Variants in PPP2R2C observed in about 807,000 individuals in gnomAD.
PPP2R2C encodes protein phosphatase 2 regulatory subunit Bgamma.
A neutral mutation model predicts 45.3 loss-of-function variants in PPP2R2C; 10 were observed. The observed-to-expected ratio is 0.22, with a 90% CI of 0.14 to 0.37. The LOEUF (loss-of-function observed/expected upper bound fraction) is 0.37. PPP2R2C is among the 10% of genes least tolerant of loss of function. The pLI is 1.00. For synonymous variants in PPP2R2C, 257 were observed against 245.4 expected (o/e 1.05, Z -0.44); for missense variants, 308 against 619.7 (o/e 0.50, Z 5.34).
At chr4:6,517,646 C>T (rs1327078899) in intron 2 of PPP2R2C, among the ~76,000 whole-genome samples, 1 of 152,218 alleles carries the variant, frequency 6.6e-6, no homozygotes, top group African/African-American at 2.4e-5. Flanking sequence ...CCCTGCGGCT[C>T]TTTGGGATGT....
chr4:6,531,561 C>CT lies in PPP2R2C; in HGVS notation c.49+3709dup, dbSNP rs11327901. Among the ~76,000 whole-genome samples, 24 of 143,852 alleles carry CT rather than the reference C, an allele frequency of 1.7e-4. No homozygotes were observed. The East Asian group carries it at 2.2e-3, about 13-fold the overall frequency. 94.4% of individuals were successfully genotyped at this position (143,852 alleles called of 152,430 possible). A position where few individuals can be genotyped will look rare whatever the true frequency, so the allele number is the denominator to read the frequency against. On this transcript the variant is annotated intron_variant, in intron 2 of 9. Transcript: ENST00000506140. ...ATGTCTGTGTTTCTTTCCCGTTTTC[C>CT]TTTTTTTTTTTTTTTGGCTAACACT...
chr4:6,422,467 CTG>C (rs1288508208), intron 1 of PPP2R2C, among the ~76,000 whole-genome samples: 1 of 152,208 alleles, frequency 6.6e-6, no homozygotes. Context: ...AATTTGGTAA[CTG>C]TATTCATTTC....
At chr4:6,359,961 C>T (rs1325183184) in intron 5 of PPP2R2C, among the ~76,000 whole-genome samples, 60 of 152,216 alleles carry the variant, frequency 3.9e-4, no homozygotes, top group Non-Finnish European at 1.0e-4. Flanking sequence ...TCCACAAACG[C>T]CAAAAGCAGT....
At chr4:6,356,063 G>A (rs536592907) in intron 5 of PPP2R2C, among the ~76,000 whole-genome samples, 1 of 150,480 alleles carries the variant, frequency 6.6e-6, no homozygotes, top group East Asian at 2.0e-4. Flanking sequence ...CGGGTCCAGT[G>A]AAGTCCATCA....
rs1253904912 is a variant in PPP2R2C, at chr4:6,472,598, CG to C, written c.-370del. 1.4e-5 allele frequency among the ~76,000 whole-genome samples: 2 copies of C among 146,324 alleles called. No individual in the cohort carries two copies. ...CGGCGCTGCGCTGCGCCGACCAAGC[CG>C]GGGCCGAGCCGGGCTGCGCGGGCTG... On this transcript the variant is annotated 5_prime_UTR_variant, in exon 1 of 9. Transcript: ENST00000382599.
At chr4:6,405,807 C>T (rs199903947) in intron 1 of PPP2R2C, among the ~76,000 whole-genome samples, 1 of 152,148 alleles carries the variant, frequency 6.6e-6, no homozygotes, top group Non-Finnish European at 1.5e-5. Context: ...AAGCCAGCCA[C>T]GGACAAGCGT....
upstream of PPP2R2C, among the ~76,000 whole-genome samples, chr4:6,474,320 AG>A (rs1382629812): frequency 6.6e-6 from 1 of 151,958 alleles, no homozygotes; most frequent in East Asian, 1.9e-4. Flanking sequence ...CCTGACCACA[AG>A]GGGGCCCAGG....
intron 6 of PPP2R2C, among the ~76,000 whole-genome samples, chr4:6,337,112 G>GTATGTATATATA (rs1733019960): frequency 3.3e-5 from 1 of 30,104 alleles, no homozygotes; most frequent in Non-Finnish European, 6.4e-5. Flanking sequence ...ATGTGTGTGT[G>GTATGTATATATA]TATATATATA....
intron 5 of PPP2R2C, among the ~76,000 whole-genome samples, chr4:6,362,867 C>A (rs1453548665): frequency 9.9e-6 from 1 of 101,296 alleles, no homozygotes; most frequent in Middle Eastern, 4.7e-3. Flanking sequence ...AGCCCTGGCA[C>A]CCCCTTTCCC....
chr4:6,461,930 G>A (rs559706417), intron 1 of PPP2R2C, among the ~76,000 whole-genome samples: 1 of 152,280 alleles, frequency 6.6e-6, no homozygotes, highest in East Asian at 1.9e-4. Context: ...CCAGGCCCAC[G>A]GAGCACGTGG....
chr4:6,561,156 T>C (rs969802448), intron 1 of PPP2R2C, among the ~76,000 whole-genome samples: 2 of 152,218 alleles, frequency 1.3e-5, no homozygotes, highest in African/African-American at 4.8e-5. Flanking sequence ...GTGGGGTACC[T>C]GTCTGCCATG....
chr4:6,511,096 T>A (rs1156569910), intron 2 of PPP2R2C, among the ~76,000 whole-genome samples: 2 of 152,230 alleles, frequency 1.3e-5, no homozygotes, highest in African/African-American at 4.8e-5. Flanking sequence ...GAATTTGTCC[T>A]TCTCTTAATT....
At chr4:6,456,785 A>AT in intron 1 of PPP2R2C, among the ~76,000 whole-genome samples, 1 of 152,312 alleles carries the variant, frequency 6.6e-6, no homozygotes, top group African/African-American at 2.4e-5. Context: ...GGGATATTGA[A>AT]TGCAATCCCC....
intron 1 of PPP2R2C, among the ~76,000 whole-genome samples, chr4:6,427,978 T>A (rs1020631885): frequency 6.6e-6 from 1 of 152,146 alleles, no homozygotes; most frequent in African/African-American, 2.4e-5. Context: ...GTTTTGTCAA[T>A]GAGGGAACGA....
intron 1 of PPP2R2C, among the ~76,000 whole-genome samples, chr4:6,548,597 C>T (rs2108837856): frequency 6.6e-6 from 1 of 152,332 alleles, no homozygotes; most frequent in East Asian, 1.9e-4. Context: ...CCAGTGTGGG[C>T]AGGTAGAGCT....
chr4:6,451,944 C>G (rs1720758489), intron 1 of PPP2R2C, among the ~76,000 whole-genome samples: 1 of 152,182 alleles, frequency 6.6e-6, no homozygotes, highest in Non-Finnish European at 1.5e-5. Flanking sequence ...TGACACCACC[C>G]CAGAGCCAGG....
intron 1 of PPP2R2C, among the ~76,000 whole-genome samples, chr4:6,424,782 A>T (rs1397990043): frequency 6.6e-6 from 1 of 152,168 alleles, no homozygotes. Flanking sequence ...CAGATCCCTC[A>T]GCCCCCATGA....
At chr4:6,407,332 G>A (rs73798234) in intron 1 of PPP2R2C, among the ~76,000 whole-genome samples, 1,862 of 152,312 alleles carry the variant, frequency 0.012, 32 homozygotes, top group African/African-American at 0.041. Flanking sequence ...CAGGATGAAT[G>A]GACTAATCCT....
At chr4:6,553,456 C>T (rs1405198108) in intron 1 of PPP2R2C, among the ~76,000 whole-genome samples, 6 of 152,346 alleles carry the variant, frequency 3.9e-5, no homozygotes, top group East Asian at 3.9e-4. Flanking sequence ...CAGTAAGGCA[C>T]GGGGTCCCAC....
Sources: allele counts gnomAD v4.1 joint callset (sites outside exome capture counted in the v4.1 genomes callset), GRCh38; gene constraint gnomAD v4.1.1; transcripts MANE v1.5; gene names NCBI Gene and HGNC (gene_info 2026-07-23, HGNC 2026-07-21).